Variants in LPP observed in about 807,000 individuals in gnomAD.
The protein encoded by LPP is LIM domain containing preferred translocation partner in lipoma.
Under a neutral mutation model 60.4 loss-of-function variants are expected in LPP, and 38 were observed. The ratio of observed to expected loss-of-function variants is 0.63; its 90% CI spans 0.49 to 0.83. The LOEUF is 0.83. Among genes scored for constraint, LPP ranks in the 40% least tolerant of loss-of-function variants. The probability of loss-of-function intolerance (pLI) is 0.00; values close to 1 mark genes in which losing one functional copy is unlikely to be tolerated. For synonymous variants in LPP, 328 were observed against 290.8 expected, an observed-to-expected ratio of 1.13 and a Z score of -1.30; for missense variants, 902 against 783.6, an observed-to-expected ratio of 1.15 and a Z score of -1.80.
At chr3:188,547,775 C>T (rs1963378) in intron 6 of LPP, among the ~76,000 whole-genome samples, 68,220 of 151,934 alleles carry the variant, frequency 0.45, 16,409 homozygotes, top group East Asian at 0.93. Flanking sequence ...AGTTGTGTTC[C>T]GTAGCTGGGG....
At chr3:188,250,724 C>CTTTCTT (rs796865739) in intron 2 of LPP, among the ~76,000 whole-genome samples, 1 of 118,512 alleles carries the variant, frequency 8.4e-6, no homozygotes, top group African/African-American at 3.3e-5. Context: ...CTTTCTTTCT[C>CTTTCTT]TCTTTCTTTC....
At chr3:188,509,624 C>T (rs932878540) in intron 5 of LPP, among the ~76,000 whole-genome samples, 6 of 116,898 alleles carry the variant, frequency 5.1e-5, no homozygotes, top group Admixed American at 5.1e-4. Flanking sequence ...TTTTTTTGTC[C>T]CCTTCCTTCC....
chr3:188,422,776 G>A (rs947332409), intron 4 of LPP, among the ~76,000 whole-genome samples: 6 of 152,054 alleles, frequency 3.9e-5, no homozygotes, highest in East Asian at 3.9e-4. Context: ...TTCCTCCCTC[G>A]TGTGCACATC....
chr3:188,366,129 C>T (rs535877365), intron 3 of LPP, among the ~76,000 whole-genome samples: 3 of 152,320 alleles, frequency 2.0e-5, no homozygotes, highest in South Asian at 2.1e-4. Context: ...AGTGAGGTCA[C>T]GCAGTGTTTG....
chr3:188,574,001 C>T (rs79405708), intron 6 of LPP, among the ~76,000 whole-genome samples: 1 of 152,134 alleles, frequency 6.6e-6, no homozygotes, highest in Non-Finnish European at 1.5e-5. Context: ...GTAGCTCCAA[C>T]TGTAATCTTG....
At chr3:188,639,116 T>C (rs1849492615) in intron 7 of LPP, among the ~76,000 whole-genome samples, 1 of 152,058 alleles carries the variant, frequency 6.6e-6, no homozygotes, top group East Asian at 1.9e-4. Flanking sequence ...CTTCAAACTA[T>C]ACTACAAGGC....
intron 7 of LPP, among the ~76,000 whole-genome samples, chr3:188,635,191 A>T (rs1181817573): frequency 6.6e-6 from 1 of 152,216 alleles, no homozygotes; most frequent in African/African-American, 2.4e-5. Context: ...TAGGAGAACG[A>T]TTAGATTTCT....
intron 7 of LPP, among the ~76,000 whole-genome samples, chr3:188,620,950 G>A (rs1167927969): frequency 2.0e-5 from 3 of 152,168 alleles, no homozygotes; most frequent in African/African-American, 7.2e-5. Flanking sequence ...ATAAATGAAA[G>A]AGTCAACCAA....
At chr3:188,373,944 G>A (rs1276907141) in intron 3 of LPP, among the ~76,000 whole-genome samples, 2 of 152,088 alleles carry the variant, frequency 1.3e-5, no homozygotes, top group African/African-American at 4.8e-5. Flanking sequence ...AGTTTCCCCA[G>A]CACCATTTAT....
intron 2 of LPP, among the ~76,000 whole-genome samples, chr3:188,237,677 C>CT (rs1722399994): frequency 6.6e-6 from 1 of 151,080 alleles, no homozygotes; most frequent in Non-Finnish European, 1.5e-5. Flanking sequence ...TTTTTTCCCT[C>CT]TTTTCTGAGC....
chr3:188,291,901 C>T (rs1472993475), intron 2 of LPP, among the ~76,000 whole-genome samples: 1 of 152,096 alleles, frequency 6.6e-6, no homozygotes, highest in Admixed American at 6.5e-5. Context: ...GTGCTTTCTG[C>T]TCCACCACCC....
At chr3:188,454,911 A>G (rs2149379194) in intron 4 of LPP, among the ~76,000 whole-genome samples, 1 of 152,340 alleles carries the variant, frequency 6.6e-6, no homozygotes, top group South Asian at 2.1e-4. Flanking sequence ...CATGACTAGA[A>G]TAAACCACAT....
chr3:188,372,370 C>T (rs970070782), intron 3 of LPP, among the ~76,000 whole-genome samples: 10 of 152,026 alleles, frequency 6.6e-5, no homozygotes, highest in African/African-American at 2.2e-4. Context: ...CTCCTTCAAT[C>T]CAATTAGTAA....
chr3:188,626,703 C>G (rs1474654108), intron 7 of LPP, among the ~76,000 whole-genome samples: 3 of 152,104 alleles, frequency 2.0e-5, no homozygotes, highest in Non-Finnish European at 4.4e-5. Context: ...AAGGTCCACC[C>G]TAGTGCTCTC....
rs1463318065 is a variant in LPP at position 188,825,269 on chromosome 3, C to CTCTCTGTG, written c.1411-40930_1411-40929insCTCTGTGT. 6.2e-3 allele frequency among the ~76,000 whole-genome samples: 630 copies of CTCTCTGTG among 101,754 alleles called. 6 individuals carry two copies. Among genetic ancestry groups the CTCTCTGTG allele is most frequent in the East Asian group, 0.024 (61 of 2,506 alleles). 66.8% of individuals were successfully genotyped at this position (101,754 alleles called of 152,430 possible). Reference sequence around the variant, plus strand: ...TCTTTCTCTCTCTCTCTCTCTCTCTCTGTGTGTGTGTGTGTGTGTGTGTGT... The same window carrying CTCTCTGTG: ...TCTTTCTCTCTCTCTCTCTCTCTCTCTCTCTGTGTGTGTGTGTGTGTGTGTGTGTGTGT... On this transcript the variant is annotated intron_variant, in intron 9 of 11. Coordinates refer to ENST00000617246, the MANE Select transcript of LPP (RefSeq NM_001375462.1).
intron 7 of LPP, among the ~76,000 whole-genome samples, chr3:188,620,017 T>A (rs1381178603): frequency 6.6e-6 from 1 of 152,190 alleles, no homozygotes; most frequent in African/African-American, 2.4e-5. Context: ...TTCCCACATA[T>A]TATTAGCTTA....
chr3:188,375,691 TG>T (rs1356502736), intron 3 of LPP, among the ~76,000 whole-genome samples: 3 of 152,212 alleles, frequency 2.0e-5, no homozygotes, highest in African/African-American at 4.8e-5. Context: ...AGGGTTTTTT[TG>T]TGTCTCTATT....
chr3:188,755,575 T>G (rs1729859299), intron 8 of LPP, among the ~76,000 whole-genome samples: 1 of 152,024 alleles, frequency 6.6e-6, no homozygotes, highest in African/African-American at 2.4e-5. Flanking sequence ...AGGCCAAGGT[T>G]GGAGGGTTGC....
In LPP at chr3:188,888,664, G is replaced by A. The variant is rs1398291660; in HGVS notation, c.*14185G>A. The A allele has an allele frequency of 1.4e-5, 3 of 221,402 alleles. No homozygotes were observed. The highest frequency in any genetic ancestry group is 2.7e-5 in the Non-Finnish European group (3 of 110,612). The allele number at this position is 221,402 out of a possible 1,614,324, so 13.7% of individuals were successfully genotyped here. A position where few individuals can be genotyped will look rare whatever the true frequency, so the allele number is the denominator to read the frequency against. On this transcript the variant is annotated 3_prime_UTR_variant, in exon 12 of 12. Coordinates refer to ENST00000617246, the MANE Select transcript of LPP (RefSeq NM_001375462.1). Reference sequence around the variant, plus strand: ...AACATAAACGTTATTCCTTACATATGTATGTACACACGGTACCCAGAGTCG... The same window carrying A: ...AACATAAACGTTATTCCTTACATATATATGTACACACGGTACCCAGAGTCG...
Sources: gnomAD v4.1 joint callset for allele counts (sites outside exome capture counted in the v4.1 genomes callset) on GRCh38, gnomAD v4.1.1 for gene constraint, MANE v1.5 for transcripts, NCBI Gene and HGNC (gene_info 2026-07-23, HGNC 2026-07-21) for gene names.